Variants in TRAPPC9 observed in about 807,000 individuals in gnomAD.
The protein encoded by TRAPPC9 is trafficking protein particle complex subunit 9.
TRAPPC9 carries 83 observed loss-of-function variants against 124.0 expected under a neutral mutation model. The ratio of observed to expected loss-of-function variants is 0.67; its 90% CI spans 0.56 to 0.80. TRAPPC9 has a LOEUF of 0.80. TRAPPC9 is among the 30% of genes least tolerant of loss of function. The pLI is 0.00. For missense variants in TRAPPC9, 1,302 were observed against 1,508.3 expected (o/e 0.86, Z 2.27); for synonymous variants, 638 against 617.5 (o/e 1.03, Z -0.49).
intron 17 of TRAPPC9, among the ~76,000 whole-genome samples, chr8:140,142,143 G>C (rs911104770): frequency 3.3e-5 from 5 of 152,224 alleles, no homozygotes; most frequent in Admixed American, 6.5e-5. Flanking sequence ...TCTTTAAACA[G>C]CACTGTTGGG....
At chr8:140,321,254 G>A (rs1179065661) in intron 9 of TRAPPC9, among the ~76,000 whole-genome samples, 1 of 152,210 alleles carries the variant, frequency 6.6e-6, no homozygotes, top group Non-Finnish European at 1.5e-5. Context: ...CACCAAGTGA[G>A]GCAGACCCTG....
At chr8:139,750,871 C>A (rs1409085070) in intron 21 of TRAPPC9, among the ~76,000 whole-genome samples, 6 of 152,198 alleles carry the variant, frequency 3.9e-5, no homozygotes, top group Non-Finnish European at 8.8e-5. Context: ...CAGCAGGTGA[C>A]ATCAGCAGGT....
chr8:139,996,695 G>A (rs1200671331), intron 18 of TRAPPC9, among the ~76,000 whole-genome samples: 1 of 152,156 alleles, frequency 6.6e-6, no homozygotes, highest in Non-Finnish European at 1.5e-5. Flanking sequence ...AACAGATTCA[G>A]AAACCCAAAA....
At chr8:140,444,175 G>C (rs1477198099) in intron 2 of TRAPPC9, among the ~76,000 whole-genome samples, 1 of 146,278 alleles carries the variant, frequency 6.8e-6, no homozygotes. Context: ...ACATGCCACT[G>C]CCCTCCAGCC....
chr8:140,303,125 G>C (rs564320126), intron 10 of TRAPPC9, among the ~76,000 whole-genome samples: 2 of 152,096 alleles, frequency 1.3e-5, no homozygotes, highest in African/African-American at 4.8e-5. Flanking sequence ...TCAAACGGTA[G>C]AATTAACTTA....
intron 17 of TRAPPC9, among the ~76,000 whole-genome samples, chr8:140,147,609 T>A (rs1267320299): frequency 1.3e-5 from 2 of 152,200 alleles, no homozygotes; most frequent in Non-Finnish European, 2.9e-5. Flanking sequence ...CTTAGCAACA[T>A]GATTACAGTT....
At chr8:139,847,457 C>T (rs1283090360) in intron 21 of TRAPPC9, among the ~76,000 whole-genome samples, 1 of 152,176 alleles carries the variant, frequency 6.6e-6, no homozygotes, top group African/African-American at 2.4e-5. Context: ...ACTTGCAGAC[C>T]AATGAGGAAA....
intron 19 of TRAPPC9, among the ~76,000 whole-genome samples, chr8:139,988,115 T>TC: frequency 6.7e-6 from 1 of 149,684 alleles, no homozygotes; most frequent in East Asian, 2.0e-4. Flanking sequence ...CTTTTTTTTT[T>TC]TTTTTTTTTT....
At chr8:140,076,184 G>A (rs185581241) in intron 17 of TRAPPC9, among the ~76,000 whole-genome samples, 1 of 152,294 alleles carries the variant, frequency 6.6e-6, no homozygotes, top group Admixed American at 6.5e-5. Context: ...GTCTACATAA[G>A]GAAGAGAGTT....
In TRAPPC9 at chr8:139,732,099, G is replaced by A. The variant is rs1817869368; in HGVS notation, c.3159C>T (p.Arg1053=). The change falls in exon 22 of 23, where the codon CGC becomes CGT. Residue 1053 remains arginine (R), a synonymous_variant. Coordinates refer to ENST00000438773, the MANE Select transcript of TRAPPC9 (RefSeq NM_001160372.4). The part of the protein sequence containing the change: ...LEVRLTNRSP[R]SVGPFALTVV... ...CAGTGAGGGCGAAGGGCCCTACGCT[G>A]CGCGGGCTCCGGTTGGTCAGCCGCA... 1 of 1,606,578 alleles carries A rather than the reference G, an allele frequency of 6.2e-7. No homozygotes were observed. The highest frequency in any genetic ancestry group is 8.5e-7 in the Non-Finnish European group (1 of 1,176,968).
intron 19 of TRAPPC9, among the ~76,000 whole-genome samples, chr8:139,937,480 G>A (rs889317678): frequency 6.6e-6 from 1 of 152,154 alleles, no homozygotes; most frequent in Non-Finnish European, 1.5e-5. Context: ...AGCCCAAGGC[G>A]CTGCGGGGAC....
chr8:140,237,653 C>A (rs1055336691), intron 16 of TRAPPC9, among the ~76,000 whole-genome samples: 2 of 151,870 alleles, frequency 1.3e-5, no homozygotes, highest in African/African-American at 4.8e-5. Context: ...GAATATAAAC[C>A]ACAGGAGGGA....
intron 18 of TRAPPC9, among the ~76,000 whole-genome samples, chr8:140,001,999 TG>T (rs1485364039): frequency 3.9e-5 from 6 of 152,210 alleles, no homozygotes; most frequent in Non-Finnish European, 7.4e-5. Context: ...TATGCCCAGA[TG>T]GTTTGCTTAT....
intron 21 of TRAPPC9, among the ~76,000 whole-genome samples, chr8:139,745,245 T>C (rs1209307396): frequency 6.6e-6 from 1 of 152,122 alleles, no homozygotes; most frequent in Admixed American, 6.5e-5. Context: ...TGTGAGATGA[T>C]GGTTGGAGCT....
At chr8:139,837,967 G>C (rs1051507678) in intron 21 of TRAPPC9, among the ~76,000 whole-genome samples, 1 of 152,170 alleles carries the variant, frequency 6.6e-6, no homozygotes. Flanking sequence ...TTCTGGCCCA[G>C]GCTGCAGGCT....
At chr8:140,030,292 C>T (rs1840422442) in intron 17 of TRAPPC9, among the ~76,000 whole-genome samples, 1 of 152,084 alleles carries the variant, frequency 6.6e-6, no homozygotes, top group Admixed American at 6.5e-5. Flanking sequence ...TCAATAAGTC[C>T]AGAAACAAAG....
chr8:140,196,773 T>C (rs1177164047), intron 17 of TRAPPC9, among the ~76,000 whole-genome samples: 2 of 151,696 alleles, frequency 1.3e-5, no homozygotes, highest in African/African-American at 4.9e-5. Context: ...TGATCCGCTA[T>C]ACAGCTCACA....
At chr8:140,066,430 T>C (rs558556917) in intron 17 of TRAPPC9, among the ~76,000 whole-genome samples, 2 of 152,296 alleles carry the variant, frequency 1.3e-5, no homozygotes, top group East Asian at 3.9e-4. Context: ...GTGTTTAATG[T>C]CGCTCCCCCA....
At chr8:139,795,826 T>G (rs1312070701) in intron 21 of TRAPPC9, among the ~76,000 whole-genome samples, 1 of 152,098 alleles carries the variant, frequency 6.6e-6, no homozygotes, top group Non-Finnish European at 1.5e-5. Context: ...CACCTGGAGA[T>G]GGATCCTCAA....
Sources: gnomAD v4.1 joint callset for allele counts (sites outside exome capture counted in the v4.1 genomes callset) on GRCh38, gnomAD v4.1.1 for gene constraint, MANE v1.5 for transcripts, NCBI Gene and HGNC (gene_info 2026-07-23, HGNC 2026-07-21) for gene names.